Variants in TXNRD1 observed in about 807,000 individuals in gnomAD.
The protein encoded by TXNRD1 is thioredoxin reductase 1, cytoplasmic.
In TXNRD1, 57 loss-of-function variants were observed where a neutral mutation model predicts 80.3. The ratio of observed to expected loss-of-function variants is 0.71; its 90% CI spans 0.57 to 0.89. The LOEUF (loss-of-function observed/expected upper bound fraction) is 0.89, where lower values mean the gene tolerates loss of function less well. Among genes scored for constraint, TXNRD1 ranks in the 40% least tolerant of loss-of-function variants. The pLI is 0.00. For missense variants in TXNRD1, 730 were observed against 803.0 expected, an observed-to-expected ratio of 0.91 and a Z score of 1.10; for synonymous variants, 291 against 285.2, an observed-to-expected ratio of 1.02 and a Z score of -0.20.
At chr12:104,264,249 T>G (rs2135715776) in intron 3 of TXNRD1, among the ~76,000 whole-genome samples, 1 of 152,336 alleles carries the variant, frequency 6.6e-6, no homozygotes, top group South Asian at 2.1e-4. Context: ...TAATCTGGTA[T>G]CTCTAAAGGC....
chr12:104,247,939 C>G (rs2033027902), intron 1 of TXNRD1, among the ~76,000 whole-genome samples: 2 of 152,184 alleles, frequency 1.3e-5, no homozygotes, highest in Admixed American at 1.3e-4. Context: ...CCTCAGTTTC[C>G]TCATCAGTGG....
intron 3 of TXNRD1, among the ~76,000 whole-genome samples, chr12:104,279,966 G>A (rs1461604974): frequency 6.7e-6 from 1 of 148,762 alleles, no homozygotes; most frequent in Non-Finnish European, 1.5e-5. Context: ...GAGAGGCTGA[G>A]GCAGGAGAAT....
Position 104,287,400 on chromosome 12 carries a change from A to G in TXNRD1, c.305-1531A>G, listed in dbSNP as rs539013722. 40 of 1,613,976 alleles carry G rather than the reference A, an allele frequency of 2.5e-5. No homozygotes were observed. In the African/African-American group the frequency reaches 4.0e-4, roughly 16 times the overall value. On this transcript the variant is annotated intron_variant, in intron 3 of 16. Coordinates refer to ENST00000525566, the MANE Select transcript of TXNRD1 (RefSeq NM_001093771.3). Reference sequence around the variant, plus strand: ...CGGTTTCCTTCCTCTTGGTCTTTGTAGAGACAGTTTGCAGAACAGCGGAGA... The same window carrying G: ...CGGTTTCCTTCCTCTTGGTCTTTGTGGAGACAGTTTGCAGAACAGCGGAGA...
At chr12:104,246,874 C>G (rs2033007777) in intron 1 of TXNRD1, among the ~76,000 whole-genome samples, 1 of 152,044 alleles carries the variant, frequency 6.6e-6, no homozygotes, top group Admixed American at 6.6e-5. Context: ...TCTTTCTGGT[C>G]TATCTAATCT....
rs371884469 is a variant in TXNRD1 at position 104,326,460 on chromosome 12, A to ATTTTTTTTTTT, written c.1385+49_1385+59dup. ...ATCTTTATTATGTCATATTTGTGGGATTTTTTTTTTTTTTTTTTTTTTGAG... is the reference window on the plus strand; with the variant it reads ...ATCTTTATTATGTCATATTTGTGGGATTTTTTTTTTTTTTTTTTTTTTTTTTTTTTTTTGAG... On this transcript the variant is annotated intron_variant, in intron 12 of 16. Coordinates refer to ENST00000525566, the MANE Select transcript of TXNRD1 (RefSeq NM_001093771.3). The ATTTTTTTTTTT allele has an allele frequency of 2.2e-5, 12 of 540,188 alleles. 1 individual carries two copies. The highest frequency in any genetic ancestry group is 5.6e-5 in the East Asian group (1 of 17,798). The allele number at this position is 540,188 out of a possible 1,614,324, so 33.5% of individuals were successfully genotyped here. A position where few individuals can be genotyped will look rare whatever the true frequency, so the allele number is the denominator to read the frequency against.
Position 104,305,019 on chromosome 12 carries a change from A to G in TXNRD1, c.415-6271A>G, listed in dbSNP as rs1377331916. ...AAATGTAAACTGAAGCACATATTGT[A>G]TCTCTTGTAAAGTGAAAAAGTATTT... On this transcript the variant is annotated intron_variant, in intron 4 of 16. Transcript: ENST00000525566. The G allele has an allele frequency of 6.6e-6, 9 of 1,354,940 alleles. No individual in the cohort carries two copies. The Admixed American group carries it at 2.1e-4, about 31-fold the overall frequency. 83.9% of individuals were successfully genotyped at this position (1,354,940 alleles called of 1,614,324 possible).
At chr12:104,238,819 A>T (rs968993867) in intron 1 of TXNRD1, among the ~76,000 whole-genome samples, 2 of 150,794 alleles carry the variant, frequency 1.3e-5, no homozygotes. Context: ...TTTTTTGTCT[A>T]TATTTACAAA....
intron 10 of TXNRD1, among the ~76,000 whole-genome samples, chr12:104,323,508 G>A (rs2035623683): frequency 1.4e-5 from 2 of 145,314 alleles, no homozygotes; most frequent in Non-Finnish European, 3.0e-5. Flanking sequence ...CCTCCCGGAC[G>A]GGGCGGCTGG....
chr12:104,335,721 C>T (rs1053294587), intron 15 of TXNRD1, among the ~76,000 whole-genome samples: 12 of 152,052 alleles, frequency 7.9e-5, no homozygotes, highest in Non-Finnish European at 1.3e-4. Context: ...TTTAAAGAAA[C>T]GACCTCAGTA....
At chr12:104,298,761 C>T (rs544247015) in intron 4 of TXNRD1, among the ~76,000 whole-genome samples, 1 of 151,528 alleles carries the variant, frequency 6.6e-6, no homozygotes, top group South Asian at 2.1e-4. Context: ...AAATTTTTTT[C>T]TGTTCCTAAA....
At chr12:104,262,335 G>C (rs1368323052) in intron 3 of TXNRD1, 3 of 149,064 alleles carry the variant, frequency 2.0e-5, no homozygotes, top group African/African-American at 7.4e-5. Context: ...AGATTTATTT[G>C]TCCCAAGCAT....
intron 7 of TXNRD1, among the ~76,000 whole-genome samples, chr12:104,317,201 A>T (rs775360957): frequency 6.6e-6 from 1 of 152,108 alleles, no homozygotes; most frequent in Non-Finnish European, 1.5e-5. Context: ...TGAGCTATAT[A>T]CTATTCTATT....
At chr12:104,267,002 A>T (rs910363706) in intron 3 of TXNRD1, among the ~76,000 whole-genome samples, 12 of 150,116 alleles carry the variant, frequency 8.0e-5, no homozygotes, top group African/African-American at 2.7e-4. Flanking sequence ...AAAATAAAAA[A>T]TAAAAATACA....
chr12:104,309,841 T>C (rs1271650438), intron 4 of TXNRD1: 1 of 1,535,176 alleles, frequency 6.5e-7, no homozygotes, highest in Non-Finnish European at 8.7e-7. Context: ...GTGCTAGACC[T>C]TTTGTGCAGA....
In TXNRD1 at chr12:104,338,084, T is replaced by C. The variant is rs554711914; in HGVS notation, c.1747-1055T>C. 9.1e-4 allele frequency among the ~76,000 whole-genome samples: 138 copies of C among 151,300 alleles called. 1 individual carries two copies. The highest frequency in any genetic ancestry group is 1.8e-3 in the Admixed American group (28 of 15,176). On this transcript the variant is annotated intron_variant, in intron 15 of 16. Coordinates refer to ENST00000525566, the MANE Select transcript of TXNRD1 (RefSeq NM_001093771.3). Reference sequence around the variant, plus strand: ...GTGCTGGGATTACAGGCTTGAGCTATGATGCCCAGTCAAAATTTTAATTTG... The same window carrying C: ...GTGCTGGGATTACAGGCTTGAGCTACGATGCCCAGTCAAAATTTTAATTTG...
chr12:104,262,680 GTGCC>G (rs1184453132), intron 3 of TXNRD1: 1 of 152,330 alleles, frequency 6.6e-6, no homozygotes, highest in Non-Finnish European at 1.5e-5. Context: ...TATTTATTGA[GTGCC>G]TGCTGTGCAC....
rs1555207862 is a variant in TXNRD1 at position 104,254,642 on chromosome 12, A to AT, written c.243+2964_243+2965insT. Among the ~76,000 whole-genome samples the AT allele has an allele frequency of 2.8e-4, 29 of 104,554 alleles. 1 individual carries two copies. The highest frequency in any genetic ancestry group is 1.0e-3 in the African/African-American group (19 of 19,026). The allele number at this position is 104,554 out of a possible 152,430, so 68.6% of individuals were successfully genotyped here. A position where few individuals can be genotyped will look rare whatever the true frequency, so the allele number is the denominator to read the frequency against. ...CTCTATGTCTATGGAAAAAAAAAAAAAAATATATATATATATATATATATC... is the reference window on the plus strand; with the variant it reads ...CTCTATGTCTATGGAAAAAAAAAAAATAAATATATATATATATATATATATC... On this transcript the variant is annotated intron_variant, in intron 2 of 16. Coordinates refer to ENST00000525566, the MANE Select transcript of TXNRD1 (RefSeq NM_001093771.3).
intron 4 of TXNRD1, chr12:104,304,179 G>C: frequency 6.2e-7 from 1 of 1,614,058 alleles, no homozygotes; most frequent in Non-Finnish European, 8.5e-7. Flanking sequence ...GGCGTGAGCC[G>C]AACCAGAGAA....
intron 3 of TXNRD1, among the ~76,000 whole-genome samples, chr12:104,281,283 G>C (rs975782722): frequency 9.2e-5 from 14 of 151,682 alleles, no homozygotes; most frequent in African/African-American, 3.4e-4. Context: ...ACATATATCT[G>C]TGCAATTAGC....
Sources: gnomAD v4.1 joint callset for allele counts (sites outside exome capture counted in the v4.1 genomes callset) on GRCh38, gnomAD v4.1.1 for gene constraint, MANE v1.5 for transcripts, NCBI Gene and HGNC (gene_info 2026-07-23, HGNC 2026-07-21) for gene names.